The following SND1 variants were observed in gnomAD, a reference collection of about 807,000 sequenced individuals.
SND1 encodes staphylococcal nuclease domain-containing protein 1.
Under a neutral mutation model 121.7 loss-of-function variants are expected in SND1, and 38 were observed. The observed-to-expected ratio is 0.31, with a 90% CI of 0.24 to 0.41. The LOEUF (loss-of-function observed/expected upper bound fraction) is 0.41, where lower values mean the gene tolerates loss of function less well. Among genes scored for constraint, SND1 ranks in the 10% least tolerant of loss-of-function variants. The pLI is 1.00. For synonymous variants in SND1, 401 were observed against 447.4 expected (o/e 0.90, Z 1.31); for missense variants, 868 against 1,184.6 (o/e 0.73, Z 3.92).
At chr7:127,754,570 G>A (rs1363961385) in intron 10 of SND1, among the ~76,000 whole-genome samples, 1 of 152,222 alleles carries the variant, frequency 6.6e-6, no homozygotes, top group East Asian at 1.9e-4. Context: ...GGGAAAGAGA[G>A]ATGTGGCAAT....
intron 9 of SND1, 73 bp downstream of exon 9, chr7:127,707,720 A>G: frequency 7.6e-7 from 1 of 1,319,246 alleles, no homozygotes; most frequent in Non-Finnish European, 1.1e-6. Context: ...AATTTGAACA[A>G]TTAGAAATGC....
chr7:127,836,059 G>C (rs1004602328), intron 11 of SND1, among the ~76,000 whole-genome samples: 5 of 152,080 alleles, frequency 3.3e-5, no homozygotes, highest in African/African-American at 1.2e-4. Flanking sequence ...GTTTATCAGG[G>C]AGCAGTGATG....
At chr7:128,043,170 G>A (rs971990902) in intron 16 of SND1, among the ~76,000 whole-genome samples, 3 of 152,076 alleles carry the variant, frequency 2.0e-5, no homozygotes, top group Non-Finnish European at 4.4e-5. Flanking sequence ...GTTTAATCAG[G>A]TGCCCATCTC....
chr7:128,052,352 C>T lies in SND1; in HGVS notation c.1780-22150C>T, dbSNP rs1793060678. 6.6e-6 allele frequency among the ~76,000 whole-genome samples: 1 copy of T among 152,180 alleles called. No individual in the cohort carries two copies. The highest frequency in any genetic ancestry group is 2.4e-5 in the African/African-American group (1 of 41,454). ...TCTGGACAAGCTCCCATTCTGGCAG[C>T]TTGTCCATCAAGGTTGGATCTGTCT... is the stretch of plus-strand genomic sequence containing the variant. On this transcript the variant is annotated intron_variant, in intron 16 of 23. Coordinates refer to ENST00000354725, the MANE Select transcript of SND1 (RefSeq NM_014390.4). The surrounding 1 kb of genome is among the most constrained non-coding windows in gnomAD (Gnocchi z 4.6).
chr7:127,819,438 G>A (rs1271133663), intron 11 of SND1, among the ~76,000 whole-genome samples: 1 of 152,178 alleles, frequency 6.6e-6, no homozygotes, highest in Non-Finnish European at 1.5e-5. Context: ...TATCCAGAAA[G>A]ACTCAATTTG....
At chr7:127,813,802 A>G (rs1798376938) in intron 11 of SND1, among the ~76,000 whole-genome samples, 1 of 152,178 alleles carries the variant, frequency 6.6e-6, no homozygotes, top group African/African-American at 2.4e-5. Context: ...ACCTCAGGTG[A>G]TCCACCTGCC....
chr7:127,687,367 G>A (rs1007601955), intron 2 of SND1, among the ~76,000 whole-genome samples: 1 of 152,066 alleles, frequency 6.6e-6, no homozygotes, highest in Admixed American at 6.6e-5. Context: ...TTGTTACACG[G>A]GTATATTGTG....
In SND1 at chr7:127,652,205, C is replaced by T. The variant is rs78110398; in HGVS notation, c.-169C>T. 9.4e-4 allele frequency: 634 copies of T among 671,854 alleles called. 3 individuals carry two copies. The African/African-American group carries it at 9.7e-3, about 10-fold the overall frequency. The allele number at this position is 671,854 out of a possible 1,614,324, so 41.6% of individuals were successfully genotyped here. On this transcript the variant is annotated 5_prime_UTR_variant, in exon 1 of 24. Transcript: ENST00000354725. ...GGCGGAGATCGCGTCTCTTTCGCTC[C>T]GTGTCCCGCTGCTGCTCCTGTGAGC... is the stretch of plus-strand genomic sequence containing the variant.
chr7:127,942,289 A>G (rs1050759050), intron 15 of SND1, among the ~76,000 whole-genome samples: 4 of 152,218 alleles, frequency 2.6e-5, no homozygotes, highest in African/African-American at 9.6e-5. Flanking sequence ...ACAGTACAGC[A>G]TATACTTAAA....
At chr7:127,907,197 G>C (rs1800359098) in intron 14 of SND1, among the ~76,000 whole-genome samples, 1 of 152,146 alleles carries the variant, frequency 6.6e-6, no homozygotes, top group African/African-American at 2.4e-5. Context: ...TTTTTTTGGT[G>C]CCCTCTTTAA....
chr7:128,092,311 G>T lies in SND1; in HGVS notation c.*253G>T. On this transcript the variant is annotated 3_prime_UTR_variant, in exon 24 of 24. Coordinates refer to ENST00000354725, the MANE Select transcript of SND1 (RefSeq NM_014390.4). This position sits in a 1 kb window ranked among gnomAD's most constrained non-coding sequence, Gnocchi z 4.9. Reference sequence around the variant, plus strand: ...TCTCTGCCAGTTGGTTTTATTTGGAGGTTTGTGGGCTTTTTTTAAAAAAAA... The same window carrying T: ...TCTCTGCCAGTTGGTTTTATTTGGATGTTTGTGGGCTTTTTTTAAAAAAAA... 1 of 479,592 alleles carries T rather than the reference G, an allele frequency of 2.1e-6. No individual in the cohort carries two copies. The highest frequency in any genetic ancestry group is 3.7e-6 in the Non-Finnish European group (1 of 271,042). 29.7% of individuals were successfully genotyped at this position (479,592 alleles called of 1,614,324 possible). A position where few individuals can be genotyped will look rare whatever the true frequency, so the allele number is the denominator to read the frequency against.
chr7:127,695,057 C>A, intron 3 of SND1, 109 bp downstream of exon 3: 2 of 1,363,868 alleles, frequency 1.5e-6, no homozygotes, highest in South Asian at 1.4e-5. Flanking sequence ...AGCTCTAGGA[C>A]AGTTGGCTGA....
chr7:127,698,857 C>T lies in SND1; in HGVS notation c.350-18C>T, dbSNP rs1445548757. The stretch of plus-strand genomic sequence containing the variant: ...CAGGTTTGAATCTTGTTTTTAAATC[C>T]CCCCTTTTCCTCCTCAGATACCAAT... On this transcript the variant is annotated intron_variant, in intron 3 of 23. Coordinates refer to ENST00000354725, the MANE Select transcript of SND1 (RefSeq NM_014390.4). 2 of 1,611,036 alleles carry T rather than the reference C, an allele frequency of 1.2e-6. No homozygotes were observed. The highest frequency in any genetic ancestry group is 2.7e-5 in the African/African-American group (2 of 74,802).
chr7:128,075,047 G>A (rs1258985665), intron 17 of SND1, among the ~76,000 whole-genome samples: 1 of 152,210 alleles, frequency 6.6e-6, no homozygotes, highest in Non-Finnish European at 1.5e-5. Context: ...ACCCTTCTCT[G>A]TCAGTGCCCT....
intron 10 of SND1, among the ~76,000 whole-genome samples, chr7:127,798,999 G>T (rs1312333971): frequency 1.3e-5 from 2 of 148,776 alleles, no homozygotes; most frequent in African/African-American, 5.2e-5. Flanking sequence ...GTGAGCCCTT[G>T]TCATGCCATT....
chr7:127,730,316 T>G (rs1421012349), intron 10 of SND1, among the ~76,000 whole-genome samples: 2 of 152,224 alleles, frequency 1.3e-5, no homozygotes, highest in East Asian at 3.8e-4. Context: ...ATCCGTCTGT[T>G]TTTGGCAAAT....
At chr7:127,730,696 G>A (rs767780571) in intron 10 of SND1, among the ~76,000 whole-genome samples, 10 of 152,034 alleles carry the variant, frequency 6.6e-5, no homozygotes, top group Admixed American at 1.3e-4. Flanking sequence ...ATTTTTCTGG[G>A]TCATGTAGAT....
At position 128,029,212 on chromosome 7, in the gene SND1, G is replaced by C. The variant is rs1563093959; in HGVS notation, c.1779+38156G>C. 1 of 1,614,124 alleles carries C rather than the reference G, an allele frequency of 6.2e-7. No individual in the cohort carries two copies. The highest frequency in any genetic ancestry group is 8.5e-7 in the Non-Finnish European group (1 of 1,180,038). On this transcript the variant is annotated intron_variant, in intron 16 of 23. Coordinates refer to ENST00000354725, the MANE Select transcript of SND1 (RefSeq NM_014390.4). The surrounding 1 kb of genome is among the most constrained non-coding windows in gnomAD (Gnocchi z 4.2). ...GGCTGGTAACCAGTGGACGTGGTAG[G>C]AACAGGCTTGTACTTTCGCGTTGTG...
intron 10 of SND1, among the ~76,000 whole-genome samples, chr7:127,791,511 TTTTA>T (rs1371572327): frequency 6.6e-6 from 1 of 152,190 alleles, no homozygotes; most frequent in Non-Finnish European, 1.5e-5. Flanking sequence ...TCTTCACCAT[TTTTA>T]TTTACAGCTC....
Sources: gnomAD v4.1 joint callset for allele counts (sites outside exome capture counted in the v4.1 genomes callset) on GRCh38, gnomAD v4.1.1 for gene constraint, Gnocchi (gnomAD v3.1) non-coding constraint, MANE v1.5 for transcripts, NCBI Gene and HGNC (gene_info 2026-07-23, HGNC 2026-07-21) for gene names.